CADM2: variants seen among roughly 807,000 people sequenced by gnomAD.
CADM2 encodes immunoglobulin superfamily member 4D.
A neutral mutation model predicts 49.8 loss-of-function variants in CADM2; 12 were observed. That is an observed-to-expected ratio of 0.24 (90% CI 0.15 to 0.39). The LOEUF (loss-of-function observed/expected upper bound fraction) is 0.39, where lower values mean the gene tolerates loss of function less well. Among genes scored for constraint, CADM2 ranks in the 10% least tolerant of loss-of-function variants. CADM2 has a pLI of 1.00. For synonymous variants in CADM2, 214 were observed against 175.4 expected, an observed-to-expected ratio of 1.22 and a Z score of -1.74; for missense variants, 378 against 492.3, an observed-to-expected ratio of 0.77 and a Z score of 2.20.
chr3:84,964,443 A>G (rs1278852429), intron 1 of CADM2, among the ~76,000 whole-genome samples: 2 of 152,192 alleles, frequency 1.3e-5, no homozygotes, highest in Admixed American at 6.5e-5. Context: ...ACCTAATGTC[A>G]TATGGATGTT....
chr3:85,577,872 A>G (rs1173659462), intron 1 of CADM2, among the ~76,000 whole-genome samples: 1 of 152,114 alleles, frequency 6.6e-6, no homozygotes, highest in Non-Finnish European at 1.5e-5. Flanking sequence ...AAAACAATGT[A>G]TATTCTGTTT....
chr3:85,159,981 G>A (rs2040264676), intron 1 of CADM2, among the ~76,000 whole-genome samples: 1 of 152,066 alleles, frequency 6.6e-6, no homozygotes, highest in Admixed American at 6.6e-5. Flanking sequence ...ATATAAGTTT[G>A]TTTTTAATAA....
rs1451295232 is a variant in CADM2 at position 85,778,551 on chromosome 3, C to G, written c.89-23496C>G. ...CCCTGCTTGCACTCACTCCATCCTG[C>G]CACTCTGTGAAGAAGGTTTCTCCTT... On this transcript the variant is annotated intron_variant, in intron 2 of 9. Transcript: ENST00000383699. Among the ~76,000 whole-genome samples, 7 of 152,080 alleles carry G rather than the reference C, an allele frequency of 4.6e-5. No individual in the cohort carries two copies. The South Asian group carries it at 6.2e-4, about 13-fold the overall frequency.
intron 5 of CADM2, among the ~76,000 whole-genome samples, chr3:85,887,623 A>T (rs574840024): frequency 6.6e-6 from 1 of 152,262 alleles, no homozygotes; most frequent in South Asian, 2.1e-4. Flanking sequence ...TATTTCTAAT[A>T]AATATACATT....
At chr3:85,060,812 C>A (rs577341400) in intron 1 of CADM2, among the ~76,000 whole-genome samples, 1 of 151,864 alleles carries the variant, frequency 6.6e-6, no homozygotes, top group South Asian at 2.1e-4. Flanking sequence ...TCAAGAAAAT[C>A]AATGATCAAA....
chr3:85,560,214 G>A (rs558074547), intron 1 of CADM2, among the ~76,000 whole-genome samples: 2 of 152,256 alleles, frequency 1.3e-5, no homozygotes, highest in South Asian at 4.1e-4. Context: ...AACCATGAGG[G>A]GATTACAGTT....
intron 1 of CADM2, among the ~76,000 whole-genome samples, chr3:84,959,919 G>T (rs1559590172): frequency 6.6e-6 from 1 of 152,084 alleles, no homozygotes; most frequent in East Asian, 1.9e-4. Context: ...TCATTCACCT[G>T]AGCTTCCTTC....
intron 9 of CADM2, among the ~76,000 whole-genome samples, chr3:86,065,966 C>T (rs1009192892): frequency 3.3e-5 from 5 of 151,804 alleles, no homozygotes; most frequent in Admixed American, 2.6e-4. Flanking sequence ...GCCACTGGCT[C>T]AGAAAAATAG....
intron 2 of CADM2, among the ~76,000 whole-genome samples, chr3:85,735,664 G>A (rs73845630): frequency 0.014 from 2,152 of 152,238 alleles, 57 homozygotes; most frequent in African/African-American, 0.049. Context: ...TCATAGCACT[G>A]GAGGTAAAGT....
intron 1 of CADM2, among the ~76,000 whole-genome samples, chr3:85,372,574 G>C (rs973686939): frequency 2.6e-5 from 4 of 151,964 alleles, no homozygotes; most frequent in African/African-American, 9.7e-5. Flanking sequence ...AATTTAGACT[G>C]TGTTATACCC....
chr3:85,076,303 T>TTG (rs71108205), intron 1 of CADM2, among the ~76,000 whole-genome samples: 9,056 of 139,276 alleles, frequency 0.065, 346 homozygotes, highest in South Asian at 0.11. Context: ...AAAAAAGAAA[T>TTG]TGTGTGTGTG....
At chr3:85,317,975 C>T (rs981588992) in intron 1 of CADM2, among the ~76,000 whole-genome samples, 1 of 151,850 alleles carries the variant, frequency 6.6e-6, no homozygotes, top group African/African-American at 2.4e-5. Flanking sequence ...AAATTTTAAA[C>T]TATGGGTTAA....
At chr3:85,394,158 A>C (rs1479948082) in intron 1 of CADM2, among the ~76,000 whole-genome samples, 1 of 152,218 alleles carries the variant, frequency 6.6e-6, no homozygotes, top group Admixed American at 6.5e-5. Flanking sequence ...TTAAATTATT[A>C]GTTTACAAAT....
At chr3:85,090,136 G>A (rs893301825) in intron 1 of CADM2, among the ~76,000 whole-genome samples, 2 of 151,970 alleles carry the variant, frequency 1.3e-5, no homozygotes, top group Admixed American at 6.6e-5. Context: ...GAACATATGA[G>A]TTTATATAAA....
At chr3:86,055,451 C>CTTTTTTTT (rs57606781) in intron 8 of CADM2, among the ~76,000 whole-genome samples, 25 of 87,482 alleles carry the variant, frequency 2.9e-4, no homozygotes, top group East Asian at 1.2e-3. Flanking sequence ...GGCATCCCCT[C>CTTTTTTTT]TTTTTTTTTT....
At chr3:85,417,908 T>C (rs925931471) in intron 1 of CADM2, among the ~76,000 whole-genome samples, 32 of 152,272 alleles carry the variant, frequency 2.1e-4, no homozygotes, top group African/African-American at 7.7e-4. Flanking sequence ...GGATCTGAGA[T>C]GCTGCAATTT....
chr3:86,009,744 T>G (rs1382546316), intron 8 of CADM2, among the ~76,000 whole-genome samples: 1 of 151,870 alleles, frequency 6.6e-6, no homozygotes, highest in East Asian at 1.9e-4. Flanking sequence ...TGGGATTTCA[T>G]GTGTATATTC....
intron 1 of CADM2, among the ~76,000 whole-genome samples, chr3:85,446,765 G>A (rs916803566): frequency 6.0e-5 from 9 of 149,904 alleles, no homozygotes; most frequent in Non-Finnish European, 1.3e-4. Flanking sequence ...ACCACACCGA[G>A]CTAATTTTGT....
intron 1 of CADM2, among the ~76,000 whole-genome samples, chr3:85,621,454 C>T (rs1418689204): frequency 1.3e-5 from 2 of 152,180 alleles, no homozygotes; most frequent in East Asian, 1.9e-4. Context: ...AAAGCAATAA[C>T]TAACTTTGAA....
Sources: allele counts gnomAD v4.1 joint callset (sites outside exome capture counted in the v4.1 genomes callset), GRCh38; gene constraint gnomAD v4.1.1; transcripts MANE v1.5; gene names NCBI Gene and HGNC (gene_info 2026-07-23, HGNC 2026-07-21).